RAB3C: variants seen among roughly 807,000 people sequenced by gnomAD.
The protein encoded by RAB3C is ras-related protein Rab-3C.
RAB3C carries 17 observed loss-of-function variants against 26.4 expected under a neutral mutation model. The observed-to-expected ratio is 0.64, with a 90% confidence interval of 0.44 to 0.97. The LOEUF (loss-of-function observed/expected upper bound fraction) is 0.97, where lower values mean the gene tolerates loss of function less well. Among genes scored for constraint, RAB3C ranks in the 50% least tolerant of loss-of-function variants. The pLI, the probability that RAB3C is intolerant of heterozygous loss-of-function variation, is 0.00. For missense variants in RAB3C, 242 were observed against 281.9 expected (o/e 0.86, Z 1.01); for synonymous variants, 91 against 95.9 (o/e 0.95, Z 0.30).
At chr5:58,679,803 C>G (rs1288832643) in intron 2 of RAB3C, among the ~76,000 whole-genome samples, 2 of 152,170 alleles carry the variant, frequency 1.3e-5, no homozygotes, top group East Asian at 3.8e-4. Flanking sequence ...ATCATGCAGG[C>G]TTTTCTTTGC....
chr5:58,712,512 A>G (rs901069251), intron 2 of RAB3C, among the ~76,000 whole-genome samples: 4 of 152,142 alleles, frequency 2.6e-5, no homozygotes. Flanking sequence ...TACAAAAAAA[A>G]GAATAGCCAT....
intron 2 of RAB3C, among the ~76,000 whole-genome samples, chr5:58,695,172 A>G (rs1331249725): frequency 1.3e-5 from 2 of 152,186 alleles, no homozygotes; most frequent in Non-Finnish European, 2.9e-5. Flanking sequence ...TCCCAGCACC[A>G]TTTATTCAAT....
chr5:58,611,861 T>C (rs1746711083), intron 1 of RAB3C, among the ~76,000 whole-genome samples: 1 of 152,108 alleles, frequency 6.6e-6, no homozygotes, highest in South Asian at 2.1e-4. Flanking sequence ...TTTTTATAGT[T>C]GTGTTTTATA....
intron 1 of RAB3C, among the ~76,000 whole-genome samples, chr5:58,603,236 G>T (rs1746495060): frequency 6.6e-6 from 1 of 152,136 alleles, no homozygotes; most frequent in South Asian, 2.1e-4. Flanking sequence ...CTGTCTCACA[G>T]CTCTTAAGAT....
At chr5:58,723,481 T>A (rs1361844512) in intron 2 of RAB3C, among the ~76,000 whole-genome samples, 1 of 151,852 alleles carries the variant, frequency 6.6e-6, no homozygotes, top group Non-Finnish European at 1.5e-5. Flanking sequence ...ATTCACTGAT[T>A]CCCAGCCTCC....
chr5:58,583,259 C>G (rs752318563), intron 1 of RAB3C, 27 bp downstream of exon 1: 1 of 1,613,824 alleles, frequency 6.2e-7, no homozygotes, highest in African/African-American at 1.3e-5. Context: ...AGAGTGGCCT[C>G]GGGAGGAATT....
At position 58,856,205 on chromosome 5, in the gene RAB3C, G is replaced by T. The variant is rs1287596900; in HGVS notation, c.*4854G>T. On this transcript the variant is annotated 3_prime_UTR_variant, in exon 5 of 5. Transcript: ENST00000282878. ...TCTTACTTATAAGGTCCATAAAATCGGTTCTTCACACTGATTTCGTTTGAT... is the reference window on the plus strand; with the variant it reads ...TCTTACTTATAAGGTCCATAAAATCTGTTCTTCACACTGATTTCGTTTGAT... 6.6e-6 allele frequency: 1 copy of T among 151,486 alleles called. No homozygotes were observed. Among genetic ancestry groups the T allele is most frequent in the Non-Finnish European group, 1.5e-5 (1 of 67,908 alleles). The allele number at this position is 151,486 out of a possible 1,614,324, so 9.4% of individuals were successfully genotyped here. A position where few individuals can be genotyped will look rare whatever the true frequency, so the allele number is the denominator to read the frequency against.
chr5:58,703,679 G>A (rs191264266), intron 2 of RAB3C, among the ~76,000 whole-genome samples: 1 of 152,050 alleles, frequency 6.6e-6, no homozygotes, highest in African/African-American at 2.4e-5. Flanking sequence ...CACTTTGAGG[G>A]CTACTAAAAG....
intron 2 of RAB3C, among the ~76,000 whole-genome samples, chr5:58,693,706 C>T (rs1213462671): frequency 6.6e-6 from 1 of 152,154 alleles, no homozygotes; most frequent in Non-Finnish European, 1.5e-5. Flanking sequence ...AGTACAGTAC[C>T]TTTTCATATA....
chr5:58,806,980 G>A lies in RAB3C; in HGVS notation c.372-18058G>A, dbSNP rs116740199. Among the ~76,000 whole-genome samples the A allele has an allele frequency of 3.7e-3, 561 of 152,286 alleles. 6 individuals are homozygous for A. The highest frequency in any genetic ancestry group is 0.013 in the African/African-American group (537 of 41,552). On this transcript the variant is annotated intron_variant, in intron 3 of 4. Transcript: ENST00000282878. ...AATGCAGAGGTACCAACAGGGAGGA[G>A]GAATTGGAAATGCGTTGGTGACTTA... is the stretch of plus-strand genomic sequence containing the variant.
chr5:58,718,652 A>G (rs761304896), intron 2 of RAB3C, among the ~76,000 whole-genome samples: 17 of 152,064 alleles, frequency 1.1e-4, no homozygotes, highest in Non-Finnish European at 1.9e-4. Context: ...ATCTGCTGGT[A>G]TGAAAAGGTT....
intron 2 of RAB3C, among the ~76,000 whole-genome samples, chr5:58,681,638 G>A (rs1748346574): frequency 6.6e-6 from 1 of 152,162 alleles, no homozygotes; most frequent in Non-Finnish European, 1.5e-5. Context: ...TGAAGAGAGA[G>A]GAATCATTTG....
intron 2 of RAB3C, among the ~76,000 whole-genome samples, chr5:58,666,629 T>G (rs912680577): frequency 6.6e-6 from 1 of 152,156 alleles, no homozygotes; most frequent in Non-Finnish European, 1.5e-5. Flanking sequence ...AACACCACAC[T>G]AGGCTGACCA....
chr5:58,775,552 A>C (rs1478089537), intron 3 of RAB3C, among the ~76,000 whole-genome samples: 2 of 152,088 alleles, frequency 1.3e-5, no homozygotes, highest in Non-Finnish European at 2.9e-5. Context: ...GACCCCTCTA[A>C]GGTGGTAAAT....
chr5:58,639,488 A>G (rs964644084), intron 2 of RAB3C, among the ~76,000 whole-genome samples: 2 of 152,164 alleles, frequency 1.3e-5, no homozygotes, highest in Non-Finnish European at 2.9e-5. Context: ...GTTTGTAGAC[A>G]GCTGCCTTCC....
intron 1 of RAB3C, among the ~76,000 whole-genome samples, chr5:58,601,159 T>C (rs1319318374): frequency 1.3e-5 from 2 of 152,308 alleles, no homozygotes; most frequent in East Asian, 3.9e-4. Context: ...TTGACTTATG[T>C]ATGTTAAACT....
At chr5:58,670,192 C>T (rs113331997) in intron 2 of RAB3C, among the ~76,000 whole-genome samples, 199 of 152,202 alleles carry the variant, frequency 1.3e-3, no homozygotes, top group Middle Eastern at 6.8e-3. Context: ...AATTGACATA[C>T]GATCTTAGAG....
At chr5:58,598,470 CTTA>C in intron 1 of RAB3C, among the ~76,000 whole-genome samples, 1 of 152,070 alleles carries the variant, frequency 6.6e-6, no homozygotes, top group African/African-American at 2.4e-5. Flanking sequence ...GATTCTTCCC[CTTA>C]TTAGTCTAGA....
At chr5:58,588,511 G>A (rs1486876842) in intron 1 of RAB3C, among the ~76,000 whole-genome samples, 1 of 152,082 alleles carries the variant, frequency 6.6e-6, no homozygotes, top group African/African-American at 2.4e-5. Context: ...ATCTTCCCTT[G>A]TGAATCATGG....
Sources: gnomAD v4.1 joint callset for allele counts (sites outside exome capture counted in the v4.1 genomes callset) on GRCh38, gnomAD v4.1.1 for gene constraint, MANE v1.5 for transcripts, NCBI Gene and HGNC (gene_info 2026-07-23, HGNC 2026-07-21) for gene names.